GABRG3: variants seen among roughly 807,000 people sequenced by gnomAD.
The protein encoded by GABRG3 is gamma-aminobutyric acid receptor subunit gamma-3.
Under a neutral mutation model 48.8 loss-of-function variants are expected in GABRG3, and 25 were observed. That is an observed-to-expected ratio of 0.51 (90% CI 0.37 to 0.72). The LOEUF (loss-of-function observed/expected upper bound fraction) is 0.72. GABRG3 is among the 30% of genes least tolerant of loss of function. GABRG3 has a pLI of 0.00. For synonymous variants in GABRG3, 227 were observed against 217.6 expected (o/e 1.04, Z -0.38); for missense variants, 394 against 577.9 (o/e 0.68, Z 3.26).
chr15:27,518,168 T>C (rs1891067911), intron 6 of GABRG3, among the ~76,000 whole-genome samples: 2 of 124,808 alleles, frequency 1.6e-5, no homozygotes, highest in Admixed American at 9.8e-5. Flanking sequence ...ATGATCAACA[T>C]GTGAAACCCC....
chr15:27,025,060 G>A (rs72715934), intron 2 of GABRG3, among the ~76,000 whole-genome samples: 22,922 of 147,666 alleles, frequency 0.16, 2,156 homozygotes, highest in East Asian at 0.35. Context: ...TACTAAAAGC[G>A]CTTCATTTTC....
chr15:27,160,799 T>C (rs373004647), intron 3 of GABRG3, among the ~76,000 whole-genome samples: 1 of 152,134 alleles, frequency 6.6e-6, no homozygotes, highest in Non-Finnish European at 1.5e-5. Flanking sequence ...TAAGTAGATA[T>C]GAAGCACTCC....
chr15:27,463,382 G>A (rs1566852190), intron 5 of GABRG3, among the ~76,000 whole-genome samples: 1 of 152,184 alleles, frequency 6.6e-6, no homozygotes, highest in African/African-American at 2.4e-5. Flanking sequence ...AATTTGGTAT[G>A]TAAATATTTC....
chr15:27,137,197 C>T (rs1414776288), intron 3 of GABRG3, among the ~76,000 whole-genome samples: 1 of 152,226 alleles, frequency 6.6e-6, no homozygotes, highest in Non-Finnish European at 1.5e-5. Flanking sequence ...CCCACACTCC[C>T]ACGGTTAGTC....
At chr15:27,448,841 A>G (rs1889022928) in intron 5 of GABRG3, among the ~76,000 whole-genome samples, 1 of 152,182 alleles carries the variant, frequency 6.6e-6, no homozygotes, top group Non-Finnish European at 1.5e-5. Flanking sequence ...ATTTAAAAAA[A>G]AAACAGATAA....
intron 3 of GABRG3, chr15:27,158,110 TCAGGTGGGAGGAACTTCAGGGATG>T (rs1898481926): frequency 6.6e-6 from 1 of 152,234 alleles, no homozygotes; most frequent in African/African-American, 2.4e-5. Flanking sequence ...GGTGAAGTTT[TCAGGTGGGAGGAACTTCAGGGATG>T]CAGGTGGAAG....
chr15:27,045,922 T>G (rs1220427801), intron 3 of GABRG3, among the ~76,000 whole-genome samples: 1 of 152,160 alleles, frequency 6.6e-6, no homozygotes, highest in Non-Finnish European at 1.5e-5. Context: ...AAACACTGGC[T>G]CAGCCTCTTC....
At chr15:27,355,815 G>A (rs1323934288) in intron 5 of GABRG3, among the ~76,000 whole-genome samples, 1 of 152,160 alleles carries the variant, frequency 6.6e-6, no homozygotes, top group African/African-American at 2.4e-5. Context: ...TCAAACAGAT[G>A]CTACAACATA....
chr15:27,043,757 A>G (rs1019445406), intron 3 of GABRG3, among the ~76,000 whole-genome samples: 1 of 152,228 alleles, frequency 6.6e-6, no homozygotes, highest in Non-Finnish European at 1.5e-5. Context: ...TGTGGCTTCA[A>G]AGAACACATT....
At chr15:27,118,698 T>C (rs1180970355) in intron 3 of GABRG3, among the ~76,000 whole-genome samples, 1 of 152,222 alleles carries the variant, frequency 6.6e-6, no homozygotes, top group African/African-American at 2.4e-5. Context: ...GTCATTCTGC[T>C]GATTCACTAA....
At chr15:27,288,777 A>G (rs1891704163) in intron 3 of GABRG3, among the ~76,000 whole-genome samples, 1 of 152,056 alleles carries the variant, frequency 6.6e-6, no homozygotes, top group South Asian at 2.1e-4. Flanking sequence ...TTATCCAGTT[A>G]TGTACCAGTT....
At chr15:27,512,763 G>T (rs919729070) in intron 6 of GABRG3, among the ~76,000 whole-genome samples, 1 of 152,180 alleles carries the variant, frequency 6.6e-6, no homozygotes, top group Non-Finnish European at 1.5e-5. Flanking sequence ...AAGCCCAGGG[G>T]AGTAGATGGC....
At chr15:27,372,708 A>G (rs1895454912) in intron 5 of GABRG3, among the ~76,000 whole-genome samples, 1 of 152,080 alleles carries the variant, frequency 6.6e-6, no homozygotes, top group South Asian at 2.1e-4. Context: ...TAAGTCCACC[A>G]CTAAATTTAA....
intron 5 of GABRG3, among the ~76,000 whole-genome samples, chr15:27,450,734 G>A (rs1595762381): frequency 1.3e-5 from 2 of 151,942 alleles, no homozygotes; most frequent in African/African-American, 4.8e-5. Context: ...GTCGGGGGTG[G>A]GGGGGTGGCA....
At chr15:27,267,963 C>T (rs115626280) in intron 3 of GABRG3, among the ~76,000 whole-genome samples, 346 of 152,206 alleles carry the variant, frequency 2.3e-3, no homozygotes, top group African/African-American at 7.5e-3. Context: ...AAAAAAATTG[C>T]TTCTATCCCC....
chr15:27,490,308 A>G (rs1890318165), intron 6 of GABRG3, among the ~76,000 whole-genome samples: 1 of 152,222 alleles, frequency 6.6e-6, no homozygotes, highest in African/African-American at 2.4e-5. Context: ...TCAGATTTTA[A>G]AAGTCCACAC....
intron 3 of GABRG3, among the ~76,000 whole-genome samples, chr15:27,264,817 C>T (rs1890869344): frequency 6.6e-6 from 1 of 151,774 alleles, no homozygotes; most frequent in African/African-American, 2.4e-5. Flanking sequence ...TTTATATCGT[C>T]TCTCCCTCTT....
intron 3 of GABRG3, among the ~76,000 whole-genome samples, chr15:27,285,408 A>G (rs975927285): frequency 6.6e-6 from 1 of 151,904 alleles, no homozygotes; most frequent in African/African-American, 2.4e-5. Context: ...AAAGTCATTC[A>G]ACTCCCCTGA....
chr15:27,100,613 A>G (rs187329907), intron 3 of GABRG3, among the ~76,000 whole-genome samples: 1 of 152,342 alleles, frequency 6.6e-6, no homozygotes, highest in African/African-American at 2.4e-5. Flanking sequence ...GCAAAGTTTA[A>G]AAGAATTATA....
Sources: allele counts gnomAD v4.1 joint callset (sites outside exome capture counted in the v4.1 genomes callset), GRCh38; gene constraint gnomAD v4.1.1; transcripts MANE v1.5; gene names NCBI Gene and HGNC (gene_info 2026-07-23, HGNC 2026-07-21).